Variants in CDC123 observed in about 807,000 individuals in gnomAD.
The protein encoded by CDC123 is cell division cycle 123.
Under a neutral mutation model 54.4 loss-of-function variants are expected in CDC123, and 37 were observed. The observed-to-expected ratio is 0.68, with a 90% CI of 0.52 to 0.89. CDC123 has a LOEUF of 0.89. Among genes scored for constraint, CDC123 ranks in the 40% least tolerant of loss-of-function variants. The pLI, the probability that CDC123 is intolerant of heterozygous loss-of-function variation, is 0.00. For synonymous variants in CDC123, 144 were observed against 136.8 expected (o/e 1.05, Z -0.37); for missense variants, 361 against 412.1 (o/e 0.88, Z 1.07).
chr10:12,198,592 T>C lies in CDC123; in HGVS notation c.75-113T>C, dbSNP rs1835396096. ...TACCAAATGTACATCATTAACATTT[T>C]CTACTTTATATTAAAAGAAAGACAA... is the stretch of plus-strand genomic sequence containing the variant. On this transcript the variant is annotated intron_variant, in intron 1 of 12. Coordinates refer to ENST00000281141, the MANE Select transcript of CDC123 (RefSeq NM_006023.3). 3 of 688,342 alleles carry C rather than the reference T, an allele frequency of 4.4e-6. No homozygotes were observed. The East Asian group carries it at 7.9e-5, about 18-fold the overall frequency. The allele number at this position is 688,342 out of a possible 1,614,324, so 42.6% of individuals were successfully genotyped here.
At chr10:12,223,160 C>T (rs1264867054) in intron 6 of CDC123, among the ~76,000 whole-genome samples, 2 of 152,170 alleles carry the variant, frequency 1.3e-5, no homozygotes, top group Non-Finnish European at 2.9e-5. Context: ...TCCCGAAGTG[C>T]TGGGATTACA....
chr10:12,202,419 A>G (rs1257251287), intron 2 of CDC123, among the ~76,000 whole-genome samples: 1 of 152,144 alleles, frequency 6.6e-6, no homozygotes, highest in Non-Finnish European at 1.5e-5. Flanking sequence ...CTCTGTGACC[A>G]CATGTGTGGG....
intron 9 of CDC123, 88 bp from the exon 10 acceptor site, chr10:12,238,367 CTT>C: frequency 7.0e-7 from 1 of 1,436,002 alleles, no homozygotes; most frequent in Non-Finnish European, 9.5e-7. Context: ...ATTCTGCTGT[CTT>C]TGATTAAAAT....
chr10:12,198,238 C>A (rs995310046), intron 1 of CDC123, among the ~76,000 whole-genome samples: 1 of 152,180 alleles, frequency 6.6e-6, no homozygotes, highest in East Asian at 1.9e-4. Flanking sequence ...ATCATGAATT[C>A]TTAGCGGTAG....
At position 12,219,215 on chromosome 10, in the gene CDC123, T is replaced by C. The variant is rs116528040; in HGVS notation, c.440+1748T>C. Among the ~76,000 whole-genome samples, 1,345 of 152,340 alleles carry C rather than the reference T, an allele frequency of 8.8e-3. 21 individuals are homozygous for C. Among genetic ancestry groups the C allele is most frequent in the African/African-American group, 0.03 (1,227 of 41,582 alleles). ...GCTTGGACATAAGGTTGTAGTATTA[T>C]ATTAATTCAAGAAAGGGAAGTTAAG... On this transcript the variant is annotated intron_variant, in intron 6 of 12. Transcript: ENST00000281141.
At chr10:12,222,577 A>G (rs2131745583) in intron 6 of CDC123, among the ~76,000 whole-genome samples, 1 of 152,358 alleles carries the variant, frequency 6.6e-6, no homozygotes, top group South Asian at 2.1e-4. Context: ...TGCTTTCATT[A>G]TTTTATTGTC....
chr10:12,244,553 G>A (rs970991730), intron 10 of CDC123, among the ~76,000 whole-genome samples: 2 of 151,740 alleles, frequency 1.3e-5, no homozygotes, highest in African/African-American at 4.8e-5. Flanking sequence ...ACCTTTCCCT[G>A]AGGAGAGTCA....
intron 4 of CDC123, among the ~76,000 whole-genome samples, chr10:12,212,316 T>C (rs1168109841): frequency 4.6e-5 from 7 of 152,026 alleles, no homozygotes; most frequent in African/African-American, 1.4e-4. Flanking sequence ...TGGACTGGGA[T>C]TGGGAAAGTA....
At chr10:12,202,853 A>G (rs1564432348) in intron 2 of CDC123, among the ~76,000 whole-genome samples, 1 of 152,168 alleles carries the variant, frequency 6.6e-6, no homozygotes, top group Non-Finnish European at 1.5e-5. Context: ...CATCTCTACT[A>G]AAAATACAGA....
chr10:12,231,625 C>CAAA (rs368800002), intron 7 of CDC123, among the ~76,000 whole-genome samples: 5 of 77,242 alleles, frequency 6.5e-5, no homozygotes, highest in South Asian at 4.8e-4. Flanking sequence ...AACTCCGTCT[C>CAAA]AAAAAAAAAA....
chr10:12,232,533 T>G (rs1835914734), intron 7 of CDC123, among the ~76,000 whole-genome samples: 2 of 152,160 alleles, frequency 1.3e-5, no homozygotes, highest in African/African-American at 4.8e-5. Flanking sequence ...AATTTACTAG[T>G]TAAGTTACTC....
chr10:12,235,203 C>G, intron 8 of CDC123, 80 bp downstream of exon 8: 1 of 1,214,940 alleles, frequency 8.2e-7, no homozygotes, highest in Middle Eastern at 1.9e-4. Flanking sequence ...AAGTAAATTT[C>G]CAGTAATTAG....
rs560797656 is a variant in CDC123 at position 12,200,698 on chromosome 10, C to T, written c.146+1922C>T. On this transcript the variant is annotated intron_variant, in intron 2 of 12. Transcript: ENST00000281141. ...CTGTAATCCCAGCACTTTGGGAGGC[C>T]GAGTTGGGTGGATCACCTGAGGTCA... Among the ~76,000 whole-genome samples the T allele has an allele frequency of 6.8e-4, 104 of 151,882 alleles. 1 individual carries two copies. Among genetic ancestry groups the T allele is most frequent in the African/African-American group, 2.3e-3 (96 of 41,438 alleles).
At chr10:12,221,127 G>A (rs1228015343) in intron 6 of CDC123, among the ~76,000 whole-genome samples, 9 of 151,390 alleles carry the variant, frequency 5.9e-5, no homozygotes, top group Admixed American at 5.9e-4. Context: ...ACTATTTTGA[G>A]GCTTGACTTG....
intron 10 of CDC123, among the ~76,000 whole-genome samples, chr10:12,238,996 G>GA (rs558291118): frequency 4.5e-4 from 67 of 147,670 alleles, no homozygotes; most frequent in Non-Finnish European, 9.0e-4. Flanking sequence ...CCTCAAAAGA[G>GA]AAAAAAAAAA....
intron 10 of CDC123, among the ~76,000 whole-genome samples, chr10:12,241,397 C>T (rs534732077): frequency 2.4e-3 from 368 of 152,240 alleles, no homozygotes; most frequent in Non-Finnish European, 4.3e-3. Context: ...AAAAATACTT[C>T]CCCATGGTTT....
chr10:12,202,454 C>T (rs868062457), intron 2 of CDC123, among the ~76,000 whole-genome samples: 2 of 152,146 alleles, frequency 1.3e-5, no homozygotes, highest in Middle Eastern at 3.2e-3. Flanking sequence ...AAGAAGCAAT[C>T]GGTTCTGCAG....
chr10:12,205,531 A>G (rs1029482675), intron 2 of CDC123, among the ~76,000 whole-genome samples: 1 of 152,198 alleles, frequency 6.6e-6, no homozygotes. Flanking sequence ...AGGCATATTC[A>G]TATTTTGATT....
intron 4 of CDC123, among the ~76,000 whole-genome samples, chr10:12,214,308 G>A (rs1835637526): frequency 6.6e-6 from 1 of 152,220 alleles, no homozygotes; most frequent in Admixed American, 6.5e-5. Flanking sequence ...ACAGAAGTGG[G>A]GTTTATGGCT....
Sources: allele counts gnomAD v4.1 joint callset (sites outside exome capture counted in the v4.1 genomes callset), GRCh38; gene constraint gnomAD v4.1.1; transcripts MANE v1.5; gene names NCBI Gene and HGNC (gene_info 2026-07-23, HGNC 2026-07-21).